Variants in FHAD1 observed in about 807,000 individuals in gnomAD.
The protein encoded by FHAD1 is forkhead-associated domain-containing protein 1.
A neutral mutation model predicts 191.3 loss-of-function variants in FHAD1; 146 were observed. That is an observed-to-expected ratio of 0.76 (90% CI 0.67 to 0.88). FHAD1 has a LOEUF of 0.88. FHAD1 is among the 40% of genes least tolerant of loss of function. The pLI, the probability that FHAD1 is intolerant of heterozygous loss-of-function variation, is 0.00. For synonymous variants in FHAD1, 616 were observed against 672.3 expected, an observed-to-expected ratio of 0.92 and a Z score of 1.29; for missense variants, 1,635 against 1,785.8, an observed-to-expected ratio of 0.92 and a Z score of 1.52.
At chr1:15,372,976 A>G (rs1273370727) in intron 26 of FHAD1, among the ~76,000 whole-genome samples, 1 of 152,132 alleles carries the variant, frequency 6.6e-6, no homozygotes, top group Non-Finnish European at 1.5e-5. Flanking sequence ...TTTAGCAACT[A>G]CTCAATCCCC....
intron 6 of FHAD1, 121 bp from the exon 7 acceptor site, chr1:15,308,492 G>A (rs1671238444): frequency 1.5e-6 from 2 of 1,362,968 alleles, no homozygotes; most frequent in East Asian, 2.6e-5. Flanking sequence ...TAAAAAGCTT[G>A]GTTTCCCCAA....
intron 33 of FHAD1, among the ~76,000 whole-genome samples, chr1:15,395,340 T>C (rs1041761353): frequency 6.8e-6 from 1 of 147,466 alleles, no homozygotes; most frequent in East Asian, 2.0e-4. Flanking sequence ...GGGAGAGAAC[T>C]AGGAGGATAG....
rs1658498539 is a variant in FHAD1, at chr1:15,276,684, C to A, written c.300+4155C>A. ...AGGCGTGGTGGCACATACCTATAGT[C>A]CCAGCTAGTCAGGAGGCTGAGGCAC... is the stretch of plus-strand genomic sequence containing the variant. On this transcript the variant is annotated intron_variant, in intron 3 of 33. Transcript: ENST00000688493. The surrounding 1 kb of genome is among the most constrained non-coding windows in gnomAD (Gnocchi z 4.7). Among the ~76,000 whole-genome samples, 2 of 152,092 alleles carry A rather than the reference C, an allele frequency of 1.3e-5. No individual in the cohort carries two copies. The highest frequency in any genetic ancestry group is 2.9e-5 in the Non-Finnish European group (2 of 68,026).
chr1:15,284,259 T>A (rs1040231958), intron 3 of FHAD1, among the ~76,000 whole-genome samples: 2 of 152,070 alleles, frequency 1.3e-5, no homozygotes, highest in Admixed American at 6.5e-5. Context: ...GGCGGGCGGA[T>A]CACGAGGTTA....
intron 28 of FHAD1, among the ~76,000 whole-genome samples, chr1:15,379,669 G>A (rs1213955667): frequency 3.9e-5 from 6 of 152,238 alleles, no homozygotes; most frequent in Non-Finnish European, 1.5e-5. Flanking sequence ...GCTTTCCTAG[G>A]CAGAGGTCCA....
chr1:15,324,523 C>T lies in FHAD1; in HGVS notation c.1437C>T (p.Ser479=), dbSNP rs565600075. The T allele has an allele frequency of 3.5e-5, 55 of 1,551,898 alleles. No homozygotes were observed. In the South Asian group the frequency reaches 5.5e-4, roughly 15 times the overall value. ...LQLQEMGNRE[S]VIKINLERAV... ...TGCAAGAAATGGGGAACAGAGAGAG[C>T]GTCATTAAAATCAATTTGGAGAGGG... Residue 479 remains serine (S), a synonymous_variant, in exon 11 of 34, where the codon AGC becomes AGT. Coordinates refer to ENST00000688493, the MANE Select transcript of FHAD1 (RefSeq NM_001391957.1).
At chr1:15,296,645 A>T (rs1667088904) in intron 4 of FHAD1, 39 bp from the exon 5 acceptor site, 1 of 1,506,794 alleles carries the variant, frequency 6.6e-7, no homozygotes, top group East Asian at 2.5e-5. Context: ...AGGGAAACTC[A>T]TGATGTCTTT....
intron 3 of FHAD1, among the ~76,000 whole-genome samples, chr1:15,273,760 A>C (rs984939244): frequency 2.0e-5 from 3 of 152,204 alleles, no homozygotes; most frequent in African/African-American, 7.2e-5. Context: ...CACCGTATTC[A>C]CCGTTTCTAA....
chr1:15,351,909 G>C (rs892522563), intron 19 of FHAD1, among the ~76,000 whole-genome samples: 38 of 152,234 alleles, frequency 2.5e-4, no homozygotes, highest in Admixed American at 2.1e-3. Flanking sequence ...CGGGAACATT[G>C]GGAACATTGT....
chr1:15,385,785 G>GA (rs964681814), intron 31 of FHAD1, among the ~76,000 whole-genome samples: 1 of 151,938 alleles, frequency 6.6e-6, no homozygotes, highest in African/African-American at 2.4e-5. Flanking sequence ...TTTTAAAACA[G>GA]AAAAAAAGGC....
At chr1:15,359,575 C>T (rs988474789) in intron 21 of FHAD1, among the ~76,000 whole-genome samples, 1 of 152,074 alleles carries the variant, frequency 6.6e-6, no homozygotes, top group Non-Finnish European at 1.5e-5. Flanking sequence ...TGGCTGAGCA[C>T]AGTGGCTCAC....
At chr1:15,342,074 C>A (rs1003321293) in intron 16 of FHAD1, among the ~76,000 whole-genome samples, 186 bp downstream of exon 16, 21 of 152,150 alleles carry the variant, frequency 1.4e-4, no homozygotes, top group Admixed American at 9.8e-4. Flanking sequence ...TTCTAAAACT[C>A]ACAGCAAAAT....
In FHAD1 at chr1:15,259,910, C is replaced by A. The variant is rs75661594; in HGVS notation, c.93+8033C>A. On this transcript the variant is annotated intron_variant, in intron 2 of 33. Transcript: ENST00000688493. ...CCTGCCAGGTGTAAGAAACAGCGCA[C>A]ACAAAGATCCGGAGGTGTTGCTTGA... 8.4e-3 allele frequency among the ~76,000 whole-genome samples: 1,279 copies of A among 152,296 alleles called. 14 individuals are homozygous for A. The highest frequency in any genetic ancestry group is 0.029 in the African/African-American group (1,188 of 41,542).
chr1:15,375,482 C>T (rs554305147), intron 27 of FHAD1, 121 bp from the exon 28 acceptor site: 21 of 936,022 alleles, frequency 2.2e-5, no homozygotes, highest in Non-Finnish European at 3.1e-5. Flanking sequence ...TCATCTGCCA[C>T]GGGAGGTCGT....
At chr1:15,240,523 C>T (rs1216788023) in intron 1 of FHAD1, among the ~76,000 whole-genome samples, 2 of 150,930 alleles carry the variant, frequency 1.3e-5, no homozygotes, top group South Asian at 2.1e-4. Context: ...CCCAGCTACT[C>T]AGGAGGCTGA....
At chr1:15,284,401 C>T (rs1219409946) in intron 3 of FHAD1, among the ~76,000 whole-genome samples, 1 of 150,764 alleles carries the variant, frequency 6.6e-6, no homozygotes, top group Non-Finnish European at 1.5e-5. Context: ...ATGGCATGAA[C>T]CCGTGAGGCG....
chr1:15,355,223 A>G (rs1396650083), intron 20 of FHAD1, among the ~76,000 whole-genome samples: 1 of 151,560 alleles, frequency 6.6e-6, no homozygotes, highest in Non-Finnish European at 1.5e-5. Flanking sequence ...AAAAAAAAAA[A>G]GAAAGTGGGG....
chr1:15,328,530 A>AAGCCAAGCATTTC, intron 13 of FHAD1, 101 bp downstream of exon 13: 3 of 1,012,158 alleles, frequency 3.0e-6, no homozygotes, highest in Non-Finnish European at 4.0e-6. Context: ...TTGGGCAGAA[A>AAGCCAAGCATTTC]TGCTTGGCTT....
chr1:15,388,862 G>T (rs538394531), intron 32 of FHAD1, among the ~76,000 whole-genome samples: 6 of 152,204 alleles, frequency 3.9e-5, no homozygotes, highest in African/African-American at 1.2e-4. Context: ...AACAGCCTTC[G>T]TGGGGTGACA....
Sources: allele counts gnomAD v4.1 joint callset (sites outside exome capture counted in the v4.1 genomes callset), GRCh38; gene constraint gnomAD v4.1.1; non-coding constraint Gnocchi (gnomAD v3.1); transcripts MANE v1.5; gene names NCBI Gene and HGNC (gene_info 2026-07-23, HGNC 2026-07-21).